The following MAPK10 variants were observed in gnomAD, a reference collection of about 807,000 sequenced individuals.
MAPK10 encodes the protein mitogen-activated protein kinase 10, also known as JNK3 alpha protein kinase.
A neutral mutation model predicts 59.3 loss-of-function variants in MAPK10; 25 were observed. The observed-to-expected ratio is 0.42, with a 90% CI of 0.31 to 0.59. The LOEUF (loss-of-function observed/expected upper bound fraction) is 0.59. Among genes scored for constraint, MAPK10 ranks in the 20% least tolerant of loss-of-function variants. The pLI is 0.15. For missense variants in MAPK10, 351 were observed against 568.9 expected (o/e 0.62, Z 3.90); for synonymous variants, 190 against 200.5 (o/e 0.95, Z 0.44).
chr4:86,472,511 A>G (rs1045379449), intron 1 of MAPK10, among the ~76,000 whole-genome samples: 1 of 152,254 alleles, frequency 6.6e-6, no homozygotes, highest in African/African-American at 2.4e-5. Flanking sequence ...GCAGAGCATG[A>G]TGGTGCACAC....
At chr4:86,098,765 T>C in intron 8 of MAPK10, 170 bp from the exon 9 acceptor site, 1 of 586,350 alleles carries the variant, frequency 1.7e-6, no homozygotes, top group Non-Finnish European at 3.1e-6. Context: ...TGCTATTACA[T>C]AAACAGTGTT....
At chr4:86,374,960 T>C (rs771906308) in intron 1 of MAPK10, among the ~76,000 whole-genome samples, 3 of 152,216 alleles carry the variant, frequency 2.0e-5, no homozygotes, top group Non-Finnish European at 4.4e-5. Context: ...TTAACAAATA[T>C]TCATTGAATT....
chr4:86,093,508 A>G (rs1406224453), intron 9 of MAPK10, among the ~76,000 whole-genome samples: 1 of 151,994 alleles, frequency 6.6e-6, no homozygotes, highest in African/African-American at 2.4e-5. Context: ...TAACTAAGTC[A>G]TAAATTTAGT....
intron 4 of MAPK10, among the ~76,000 whole-genome samples, chr4:86,115,290 G>C (rs2058131814): frequency 6.6e-6 from 1 of 152,174 alleles, no homozygotes; most frequent in Non-Finnish European, 1.5e-5. Context: ...CTGGGTGTGG[G>C]AGTTCCCCTT....
intron 2 of MAPK10, among the ~76,000 whole-genome samples, chr4:86,346,527 A>G (rs1728307059): frequency 6.6e-6 from 1 of 152,162 alleles, no homozygotes; most frequent in Admixed American, 6.5e-5. Context: ...CGGATGTGAA[A>G]CTGCAGACAC....
At chr4:86,334,204 A>G (rs2096220062) in intron 2 of MAPK10, among the ~76,000 whole-genome samples, 1 of 152,198 alleles carries the variant, frequency 6.6e-6, no homozygotes, top group Non-Finnish European at 1.5e-5. Context: ...CAAGCCAGAA[A>G]GCAAGAATCA....
intron 1 of MAPK10, among the ~76,000 whole-genome samples, chr4:86,448,073 T>C (rs995712613): frequency 6.6e-6 from 1 of 152,200 alleles, no homozygotes; most frequent in Non-Finnish European, 1.5e-5. Context: ...GGAGTTAGAT[T>C]ATGTTAATAT....
chr4:86,387,110 C>A (rs908234196), intron 1 of MAPK10, among the ~76,000 whole-genome samples: 1 of 152,132 alleles, frequency 6.6e-6, no homozygotes, highest in African/African-American at 2.4e-5. Context: ...GCTAATCTGG[C>A]TTGAAAATGG....
At chr4:86,173,813 A>G (rs1311124989) in intron 3 of MAPK10, among the ~76,000 whole-genome samples, 1 of 152,228 alleles carries the variant, frequency 6.6e-6, no homozygotes, top group Non-Finnish European at 1.5e-5. Flanking sequence ...AAAGTGGCCA[A>G]AGGACATGAA....
At chr4:86,238,960 C>G (rs1455804424) in intron 2 of MAPK10, among the ~76,000 whole-genome samples, 1 of 152,140 alleles carries the variant, frequency 6.6e-6, no homozygotes, top group African/African-American at 2.4e-5. Context: ...TTTGCCCATT[C>G]AGTATGATAT....
chr4:86,144,774 AC>A (rs1217211869), intron 4 of MAPK10, among the ~76,000 whole-genome samples: 1 of 152,198 alleles, frequency 6.6e-6, no homozygotes, highest in Non-Finnish European at 1.5e-5. Context: ...GACATGGGTA[AC>A]TGATATAATT....
chr4:86,544,873 G>GT lies in MAPK10; in HGVS notation c.-263+49036dup, dbSNP rs998513451. Among the ~76,000 whole-genome samples the GT allele has an allele frequency of 2.1e-4, 31 of 151,078 alleles. No homozygotes were observed. The East Asian group carries it at 5.4e-3, about 27-fold the overall frequency. On this transcript the variant is annotated intron_variant, in intron 1 of 4. Transcript: ENST00000502302. The stretch of plus-strand genomic sequence containing the variant: ...ATATCCTTGTCTTTCAAACTGAAAG[G>GT]TTTTTTTCTTTTTTTTTTTTTCACT...
chr4:86,310,534 A>T (rs2095648201), intron 2 of MAPK10, among the ~76,000 whole-genome samples: 1 of 152,190 alleles, frequency 6.6e-6, no homozygotes, highest in Non-Finnish European at 1.5e-5. Flanking sequence ...ATCAACGTGC[A>T]TAGTACATTG....
At chr4:86,512,129 T>A (rs1277071004) in intron 1 of MAPK10, among the ~76,000 whole-genome samples, 2 of 152,180 alleles carry the variant, frequency 1.3e-5, no homozygotes, top group African/African-American at 2.4e-5. Flanking sequence ...TTTTCCAAAT[T>A]TAAGGTAACT....
At chr4:86,139,572 T>C (rs1188762573) in intron 4 of MAPK10, among the ~76,000 whole-genome samples, 1 of 152,032 alleles carries the variant, frequency 6.6e-6, no homozygotes, top group Non-Finnish European at 1.5e-5. Flanking sequence ...CCTAAAACCA[T>C]AAAAACCCTA....
Position 86,014,327 on chromosome 4 carries a change from TGTGTGTGTGTGTGTGTGTTAA to T in MAPK10, c.*2880_*2900del, listed in dbSNP as rs1742439442. 1 of 144,434 alleles carries T rather than the reference TGTGTGTGTGTGTGTGTGTTAA, an allele frequency of 6.9e-6. No homozygotes were observed. The highest frequency in any genetic ancestry group is 1.5e-5 in the Non-Finnish European group (1 of 66,430). The allele number at this position is 144,434 out of a possible 1,614,324, so 8.9% of individuals were successfully genotyped here. The stretch of plus-strand genomic sequence containing the variant: ...GGGTGTGTGTGTGTGTGTGTGTGTG[TGTGTGTGTGTGTGTGTGTTAA>T]GACAGACAAGTGAATGCAGAACATA... On this transcript the variant is annotated 3_prime_UTR_variant, in exon 14 of 14. Coordinates refer to ENST00000641462, the MANE Select transcript of MAPK10 (RefSeq NM_138982.4).
chr4:86,429,749 G>A (rs1747783164), intron 1 of MAPK10: 1 of 151,660 alleles, frequency 6.6e-6, no homozygotes, highest in Non-Finnish European at 1.5e-5. Context: ...GCTGCAATGA[G>A]CTATGATAAT....
At chr4:86,498,477 C>A (rs1755060743) in intron 1 of MAPK10, among the ~76,000 whole-genome samples, 1 of 152,134 alleles carries the variant, frequency 6.6e-6, no homozygotes, top group South Asian at 2.1e-4. Flanking sequence ...ACTGAGTGCC[C>A]TGAAAAGTGA....
rs545295262 is a variant in MAPK10, at chr4:86,146,680, C to T, written c.236+12618G>A. Reference sequence around the variant, plus strand: ...TATGCCAGAGCTTTCATCAGTCTCTCTCCTCAGCTCACTGAACAGAACCAA... The same window carrying T: ...TATGCCAGAGCTTTCATCAGTCTCTTTCCTCAGCTCACTGAACAGAACCAA... On this transcript the variant is annotated intron_variant, in intron 4 of 13. Coordinates refer to ENST00000641462, the MANE Select transcript of MAPK10 (RefSeq NM_138982.4). Among the ~76,000 whole-genome samples the T allele has an allele frequency of 3.9e-5, 6 of 152,340 alleles. No homozygotes were observed. In the South Asian group the frequency reaches 6.2e-4, roughly 16 times the overall value.
Sources: allele counts gnomAD v4.1 joint callset (sites outside exome capture counted in the v4.1 genomes callset), GRCh38; gene constraint gnomAD v4.1.1; transcripts MANE v1.5; gene names NCBI Gene and HGNC (gene_info 2026-07-23, HGNC 2026-07-21).